PPID: variants seen among roughly 807,000 people sequenced by gnomAD.
The protein encoded by PPID is peptidylprolyl isomerase D.
PPID carries 47 observed loss-of-function variants against 48.1 expected under a neutral mutation model. The ratio of observed to expected loss-of-function variants is 0.98; its 90% CI spans 0.77 to 1.25. The LOEUF (loss-of-function observed/expected upper bound fraction) is 1.25. PPID is among the 50% of genes most tolerant of loss of function. The pLI is 0.00. For synonymous variants in PPID, 163 were observed against 148.8 expected (o/e 1.10, Z -0.69); for missense variants, 429 against 443.5 (o/e 0.97, Z 0.29).
At chr4:158,713,042 T>G (rs985100188) in intron 7 of PPID, 77 bp downstream of exon 7, 3 of 1,430,780 alleles carry the variant, frequency 2.1e-6, no homozygotes, top group Non-Finnish European at 2.9e-6. Flanking sequence ...GATATATTAA[T>G]GTATATAAAA....
intron 3 of PPID, among the ~76,000 whole-genome samples, chr4:158,718,136 T>C (rs1290101895): frequency 6.6e-6 from 1 of 152,226 alleles, no homozygotes; most frequent in Non-Finnish European, 1.5e-5. Flanking sequence ...CACCTTTAGT[T>C]TTCATCCTTC....
At chr4:158,722,398 C>T in intron 1 of PPID, among the ~76,000 whole-genome samples, 1 of 152,214 alleles carries the variant, frequency 6.6e-6, no homozygotes, top group East Asian at 1.9e-4. Flanking sequence ...ACCTCTGAAG[C>T]AAAAGCTGTA....
chr4:158,713,688 G>A (rs1447469632), intron 6 of PPID, among the ~76,000 whole-genome samples: 8 of 152,078 alleles, frequency 5.3e-5, no homozygotes, highest in Admixed American at 1.3e-4. Context: ...CCCAGAATTT[G>A]GTTTCTAAAG....
chr4:158,715,320 A>C lies in PPID; in HGVS notation c.729T>G (p.Ile243Met), dbSNP rs2126332225. Residue 243 changes from isoleucine (I) to methionine (M), a missense_variant, in exon 6 of 10, where the codon ATT becomes ATG. Physicochemically the swap from Ile to Met is conservative, Grantham distance 10. Transcript: ENST00000307720. ...ACCTTAAAACTTCTGCATATTTTTT[A>C]ATAGCCATCTCCCAGTTCTGGGATT... is the stretch of plus-strand genomic sequence containing the variant. Reference protein sequence around the residue: ...FFKSQNWEMAIKKYAEVLRYV... With the variant: ...FFKSQNWEMAMKKYAEVLRYV... 1 of 1,524,852 alleles carries C rather than the reference A, an allele frequency of 6.6e-7. No homozygotes were observed. Among genetic ancestry groups the C allele is most frequent in the East Asian group, 2.3e-5 (1 of 42,730 alleles). 94.5% of individuals were successfully genotyped at this position (1,524,852 alleles called of 1,614,324 possible). A position where few individuals can be genotyped will look rare whatever the true frequency, so the allele number is the denominator to read the frequency against.
chr4:158,721,184 G>C (rs1304059279), intron 2 of PPID, among the ~76,000 whole-genome samples, 159 bp downstream of exon 2: 1 of 152,112 alleles, frequency 6.6e-6, no homozygotes, highest in Non-Finnish European at 1.5e-5. Context: ...ATTCCACCTC[G>C]CACAGCCTAA....
At position 158,710,799 on chromosome 4, in the gene PPID, T is replaced by G; in HGVS notation, c.944A>C (p.Gln315Pro). 1 of 1,614,012 alleles carries G rather than the reference T, an allele frequency of 6.2e-7. No homozygotes were observed. The highest frequency in any genetic ancestry group is 8.5e-7 in the Non-Finnish European group (1 of 1,179,840). The change falls in exon 8 of 10, where the codon CAA (glutamine) becomes CCA (proline). Residue 315 changes from glutamine (Q) to proline (P), a missense_variant. Physicochemically the swap from Gln to Pro is moderately conservative, Grantham distance 76. Coordinates refer to ENST00000307720, the MANE Select transcript of PPID (RefSeq NM_005038.3). ...SNTKALYRRA[Q>P]GWQGLKEYDQ... ...ATATTCTTTTAATCCTTGCCATCCT[T>G]GAGCTCTGCGGTACAATGCTTTGGT...
At chr4:158,715,527 A>G (rs1239813805) in intron 5 of PPID, 35 bp downstream of exon 5, 5 of 1,604,884 alleles carry the variant, frequency 3.1e-6, no homozygotes, top group Middle Eastern at 1.6e-4. Flanking sequence ...CACTTACTAA[A>G]TTAATTAAAG....
At chr4:158,713,329 G>A (rs1002116028) in intron 6 of PPID, 69 bp from the exon 7 acceptor site, 3 of 1,348,454 alleles carry the variant, frequency 2.2e-6, no homozygotes, top group Admixed American at 5.2e-5. Context: ...TCTATGTCCA[G>A]AAGTGTTATG....
At position 158,715,225 on chromosome 4, in the gene PPID, G is replaced by A. The variant is rs879114804; in HGVS notation, c.752+72C>T. The A allele has an allele frequency of 7.2e-5, 88 of 1,221,120 alleles. No individual in the cohort carries two copies. In the South Asian group the frequency reaches 1.1e-3, roughly 15 times the overall value. The allele number at this position is 1,221,120 out of a possible 1,614,324, so 75.6% of individuals were successfully genotyped here. The stretch of plus-strand genomic sequence containing the variant: ...CACAAGTAATTTGCAAAAATATAAT[G>A]AGCAATTCTTAATTTTAGTTTATAA... On this transcript the variant is annotated intron_variant, in intron 6 of 9. Transcript: ENST00000307720.
At chr4:158,716,290 T>C (rs1309176667) in intron 4 of PPID, among the ~76,000 whole-genome samples, 1 of 152,054 alleles carries the variant, frequency 6.6e-6, no homozygotes, top group African/African-American at 2.4e-5. Context: ...TAATCTAGTC[T>C]AAACCCATAA....
rs1774915855 is a variant in PPID at position 158,719,161 on chromosome 4, T to C, written c.333+19A>G. On this transcript the variant is annotated intron_variant, in intron 3 of 9. Coordinates refer to ENST00000307720, the MANE Select transcript of PPID (RefSeq NM_005038.3). ...AACAATCTTTTTATCAGCAATAACA[T>C]GCATTTTCTCTACTTTACCTTGTAA... 6.9e-7 allele frequency: 1 copy of C among 1,454,328 alleles called. No homozygotes were observed. The highest frequency in any genetic ancestry group is 9.6e-7 in the Non-Finnish European group (1 of 1,039,102). The allele number at this position is 1,454,328 out of a possible 1,614,324, so 90.1% of individuals were successfully genotyped here. A position where few individuals can be genotyped will look rare whatever the true frequency, so the allele number is the denominator to read the frequency against.
At chr4:158,710,967 A>G in intron 7 of PPID, 119 bp from the exon 8 acceptor site, 1 of 902,380 alleles carries the variant, frequency 1.1e-6, no homozygotes. Context: ...ATGGAGCTGA[A>G]ACATGCAAAT....
chr4:158,715,076 G>T (rs953132412), intron 6 of PPID, among the ~76,000 whole-genome samples: 1 of 152,098 alleles, frequency 6.6e-6, no homozygotes, highest in Non-Finnish European at 1.5e-5. Flanking sequence ...AAAAATTGGT[G>T]AATGTAAGTA....
chr4:158,723,075 C>T (rs954260506), intron 1 of PPID, 129 bp downstream of exon 1: 2 of 924,912 alleles, frequency 2.2e-6, no homozygotes, highest in African/African-American at 3.3e-5. Context: ...GCGGACCAGC[C>T]TAGGCAGCCA....
At chr4:158,721,114 G>C (rs1774951932) in intron 2 of PPID, among the ~76,000 whole-genome samples, 1 of 152,208 alleles carries the variant, frequency 6.6e-6, no homozygotes, top group South Asian at 2.1e-4. Flanking sequence ...AGGAGAATGA[G>C]AGGATGGGTA....
chr4:158,710,611 A>C lies in PPID; in HGVS notation c.1024+17T>G. ...AAATAACAAAATTAACTTTCACTAC[A>C]AAAGCTGCCAACTTACCTTTATCTT... On this transcript the variant is annotated intron_variant, in intron 9 of 9. Transcript: ENST00000307720. 2 of 1,611,328 alleles carry C rather than the reference A, an allele frequency of 1.2e-6. No homozygotes were observed. The highest frequency in any genetic ancestry group is 1.7e-6 in the Non-Finnish European group (2 of 1,178,018).
Position 158,713,235 on chromosome 4 carries a change from T to A in PPID, c.778A>T (p.Ile260Phe), listed in dbSNP as rs1261263060. 2 of 1,613,694 alleles carry A rather than the reference T, an allele frequency of 1.2e-6. No individual in the cohort carries two copies. The highest frequency in any genetic ancestry group is 1.7e-6 in the Non-Finnish European group (2 of 1,179,926). Residue 260 changes from isoleucine to phenylalanine, a missense_variant, in exon 7 of 10, where the codon ATT becomes TTT. Ile to Phe is a conservative substitution (Grantham distance 21). Transcript: ENST00000307720. ...AGCTTGGCTCTATCTGCTGTCTCAA[T>A]AACAGCCTTTGAACTGTCCACGTAT... ...LRYVDSSKAV[I>F]ETADRAKLQP...
chr4:158,717,964 T>C (rs922578663), intron 3 of PPID, among the ~76,000 whole-genome samples: 3 of 151,772 alleles, frequency 2.0e-5, no homozygotes, highest in Admixed American at 6.6e-5. Flanking sequence ...GTAACTCTCA[T>C]GTTATATAAT....
intron 7 of PPID, 46 bp from the exon 8 acceptor site, chr4:158,710,894 T>C (rs1433750414): frequency 6.7e-7 from 1 of 1,499,894 alleles, no homozygotes; most frequent in Admixed American, 1.7e-5. Context: ...GTATTAAGCT[T>C]ATATGCCAGA....
Sources: gnomAD v4.1 joint callset for allele counts (sites outside exome capture counted in the v4.1 genomes callset) on GRCh38, gnomAD v4.1.1 for gene constraint, MANE v1.5 for transcripts, NCBI Gene and HGNC (gene_info 2026-07-23, HGNC 2026-07-21) for gene names.